Variants in RBM17 observed in about 807,000 individuals in gnomAD.
RBM17 encodes RNA binding motif protein 17.
In RBM17, 7 loss-of-function variants were observed where a neutral mutation model predicts 53.2. The observed-to-expected ratio is 0.13, with a 90% CI of 0.07 to 0.25. The LOEUF is 0.25. Ranked by LOEUF, RBM17 falls within the 10% of genes least tolerant of loss-of-function variation. The probability of loss-of-function intolerance (pLI) is 1.00; values close to 1 mark genes in which losing one functional copy is unlikely to be tolerated. For synonymous variants in RBM17, 167 were observed against 178.1 expected (o/e 0.94, Z 0.50); for missense variants, 257 against 496.7 (o/e 0.52, Z 4.59).
chr10:6,109,273 A>G (rs2132951517), intron 6 of RBM17, among the ~76,000 whole-genome samples: 1 of 152,316 alleles, frequency 6.6e-6, no homozygotes, highest in South Asian at 2.1e-4. Context: ...AATATCATCT[A>G]GGTCATTTTC....
At position 6,101,383 on chromosome 10, in the gene RBM17, T is replaced by A; in HGVS notation, c.236T>A (p.Leu79Gln). ...ACTCCACCGCATGTAGCAGCTGGGC[T>A]GAAGGTAAGCCCGCGCCTGCCTGTG... ...VDTPPHVAAG[L>Q]KDPVPSGFSA... Residue 79 changes from leucine (L) to glutamine (Q), a missense_variant, in exon 3 of 12, where the codon CTG becomes CAG. By Grantham distance (113) the Leu-to-Gln change is moderately radical. Around this residue, in one of 6 missense-constraint regions of RBM17, gnomAD observed 127 missense variants for 217.2 expected, o/e 0.58. Coordinates refer to ENST00000379888, the MANE Select transcript of RBM17 (RefSeq NM_032905.5). 1 of 1,606,946 alleles carries A rather than the reference T, an allele frequency of 6.2e-7. No homozygotes were observed. The highest frequency in any genetic ancestry group is 2.2e-5 in the East Asian group (1 of 44,720).
At chr10:6,090,707 T>C (rs1250939482) in intron 1 of RBM17, among the ~76,000 whole-genome samples, 2 of 152,090 alleles carry the variant, frequency 1.3e-5, no homozygotes, top group Non-Finnish European at 2.9e-5. Flanking sequence ...TAATAGTCAA[T>C]AGTGAAGGAA....
intron 2 of RBM17, among the ~76,000 whole-genome samples, chr10:6,098,579 T>TTTTG (rs1840619173): frequency 3.1e-5 from 4 of 127,892 alleles, no homozygotes; most frequent in African/African-American, 8.9e-5. Context: ...TTTTTTTTTT[T>TTTTG]TTTTTTTTTT....
intron 1 of RBM17, among the ~76,000 whole-genome samples, chr10:6,095,203 C>A (rs1840554553): frequency 6.6e-6 from 1 of 151,964 alleles, no homozygotes; most frequent in African/African-American, 2.4e-5. Flanking sequence ...ATCCCGGCAT[C>A]CCTTCATTCT....
At chr10:6,106,018 C>T in intron 4 of RBM17, 123 bp from the exon 5 acceptor site, 2 of 658,354 alleles carry the variant, frequency 3.0e-6, no homozygotes, top group Middle Eastern at 5.0e-4. Context: ...CCCTCTACCC[C>T]TGCAACTTCA....
At position 6,106,095 on chromosome 10, in the gene RBM17, A is replaced by C. The variant is rs200046563; in HGVS notation, c.408-46A>C. The stretch of plus-strand genomic sequence containing the variant: ...GAAGTCATCCCAGGTTCAGGTCTCT[A>C]AATTGGTTCATCTGTGATGAACATT... On this transcript the variant is annotated intron_variant, in intron 4 of 11. Coordinates refer to ENST00000379888, the MANE Select transcript of RBM17 (RefSeq NM_032905.5). The C allele has an allele frequency of 4.9e-3, 6,768 of 1,381,972 alleles. 29 individuals carry two copies. Among genetic ancestry groups the C allele is most frequent in the Middle Eastern group, 0.014 (77 of 5,630 alleles). The allele number at this position is 1,381,972 out of a possible 1,614,324, so 85.6% of individuals were successfully genotyped here. A position where few individuals can be genotyped will look rare whatever the true frequency, so the allele number is the denominator to read the frequency against.
chr10:6,102,193 A>G (rs924239026), intron 3 of RBM17, among the ~76,000 whole-genome samples: 2 of 152,246 alleles, frequency 1.3e-5, no homozygotes, highest in African/African-American at 4.8e-5. Context: ...AAACCGCTTG[A>G]TGAAAAATGA....
At position 6,115,965 on chromosome 10, in the gene RBM17, C is replaced by G. The variant is rs551333444; in HGVS notation, c.*409C>G. ...TTTCTTTTTCTTTTAATAAAGCCTG[C>G]AAGTTACTAAATTGTAGTTTCATAA... On this transcript the variant is annotated 3_prime_UTR_variant, in exon 12 of 12. Transcript: ENST00000379888. 1.3e-5 allele frequency: 2 copies of G among 152,710 alleles called. No individual in the cohort carries two copies. Among genetic ancestry groups the G allele is most frequent in the Non-Finnish European group, 2.9e-5 (2 of 69,012 alleles). The allele number at this position is 152,710 out of a possible 1,614,324, so 9.5% of individuals were successfully genotyped here.
At position 6,115,173 on chromosome 10, in the gene RBM17, A is replaced by G. The variant is rs1840896106; in HGVS notation, c.1030-66A>G. 2.4e-6 allele frequency: 3 copies of G among 1,274,122 alleles called. No homozygotes were observed. In the South Asian group the frequency reaches 4.0e-5, roughly 17 times the overall value. 78.9% of individuals were successfully genotyped at this position (1,274,122 alleles called of 1,614,324 possible). A position where few individuals can be genotyped will look rare whatever the true frequency, so the allele number is the denominator to read the frequency against. ...GAATATCCACTCTGAGAAATCATTT[A>G]AAAGAGAAAACTCATTCAATGCAAT... On this transcript the variant is annotated intron_variant, in intron 10 of 11. Transcript: ENST00000379888.
chr10:6,093,408 G>GAA (rs1840518684), intron 1 of RBM17, among the ~76,000 whole-genome samples: 1 of 152,076 alleles, frequency 6.6e-6, no homozygotes, highest in South Asian at 2.1e-4. Context: ...TAATAGAGAT[G>GAA]GGTTTTCACC....
In RBM17 at chr10:6,108,762, C is replaced by A; in HGVS notation, c.562+20C>A. ...AAGAGTGTAAGTAGATCTGTTTCTTCCTCTTTTATTCTGATACAGGTCTTT... is the reference window on the plus strand; with the variant it reads ...AAGAGTGTAAGTAGATCTGTTTCTTACTCTTTTATTCTGATACAGGTCTTT... On this transcript the variant is annotated intron_variant, in intron 6 of 11. Coordinates refer to ENST00000379888, the MANE Select transcript of RBM17 (RefSeq NM_032905.5). The A allele has an allele frequency of 6.3e-7, 1 of 1,592,632 alleles. No homozygotes were observed. Among genetic ancestry groups the A allele is most frequent in the Non-Finnish European group, 8.6e-7 (1 of 1,161,854 alleles).
chr10:6,097,465 A>C (rs1342845197), intron 2 of RBM17, among the ~76,000 whole-genome samples: 2 of 152,126 alleles, frequency 1.3e-5, no homozygotes, highest in African/African-American at 4.8e-5. Flanking sequence ...TTGGGAGGCC[A>C]AGGCAGGCAG....
chr10:6,108,872 C>G (rs1588349972), intron 6 of RBM17, 130 bp downstream of exon 6: 1 of 48,744 alleles, frequency 2.1e-5, no homozygotes, highest in East Asian at 2.2e-4. Context: ...CTGGCTCTGT[C>G]ACCTGAGGCC....
At chr10:6,095,539 T>C (rs1840559069) in intron 1 of RBM17, among the ~76,000 whole-genome samples, 1 of 152,168 alleles carries the variant, frequency 6.6e-6, no homozygotes, top group Non-Finnish European at 1.5e-5. Context: ...TGTGATTCAT[T>C]TGAGCAGTCG....
intron 1 of RBM17, among the ~76,000 whole-genome samples, chr10:6,093,202 C>G (rs1187695111): frequency 2.0e-5 from 3 of 152,122 alleles, no homozygotes; most frequent in Non-Finnish European, 4.4e-5. Flanking sequence ...AGTGCTGCCT[C>G]TTTGCCTATT....
chr10:6,108,835 G>C (rs1308051287), intron 6 of RBM17, 93 bp downstream of exon 6: 2 of 971,266 alleles, frequency 2.1e-6, no homozygotes. Flanking sequence ...TTTCCTGAGC[G>C]TAGAGGGAAA....
At chr10:6,111,592 G>A (rs1453761462) in intron 7 of RBM17, among the ~76,000 whole-genome samples, 2 of 152,144 alleles carry the variant, frequency 1.3e-5, no homozygotes, top group South Asian at 2.1e-4. Context: ...CACCCGCCTC[G>A]GCTTCCCAAA....
chr10:6,110,948 G>GGTTTT (rs41295359), intron 7 of RBM17, among the ~76,000 whole-genome samples: 10 of 151,474 alleles, frequency 6.6e-5, no homozygotes, highest in South Asian at 2.1e-4. Context: ...ACATGAAGCT[G>GGTTTT]GTTTTGTTTT....
chr10:6,113,015 C>G (rs1840862574), intron 8 of RBM17: 1 of 166,406 alleles, frequency 6.0e-6, no homozygotes, highest in African/African-American at 2.4e-5. Context: ...AAGAAGAAAA[C>G]TTTTCTGGCA....
Sources: allele counts gnomAD v4.1 joint callset (sites outside exome capture counted in the v4.1 genomes callset), GRCh38; gene constraint gnomAD v4.1.1; regional missense constraint gnomAD v4.1.1; transcripts MANE v1.5; gene names NCBI Gene and HGNC (gene_info 2026-07-23, HGNC 2026-07-21).